SPIDR: variants seen among roughly 807,000 people sequenced by gnomAD.
The protein encoded by SPIDR is DNA repair-scaffolding protein.
In SPIDR, 93 loss-of-function variants were observed where a neutral mutation model predicts 104.6. The ratio of observed to expected loss-of-function variants is 0.89; its 90% CI spans 0.75 to 1.06. The LOEUF (loss-of-function observed/expected upper bound fraction) is 1.06, where lower values mean the gene tolerates loss of function less well. Among genes scored for constraint, SPIDR ranks in the 50% least tolerant of loss-of-function variants. SPIDR has a pLI of 0.00. For synonymous variants in SPIDR, 431 were observed against 416.9 expected, an observed-to-expected ratio of 1.03 and a Z score of -0.41; for missense variants, 1,154 against 1,111.2, an observed-to-expected ratio of 1.04 and a Z score of -0.55.
At chr8:47,384,904 A>T (rs1304947775) in intron 5 of SPIDR, among the ~76,000 whole-genome samples, 9 of 152,160 alleles carry the variant, frequency 5.9e-5, no homozygotes, top group Admixed American at 4.6e-4. Flanking sequence ...TACTTAACAG[A>T]TTGAAATAAT....
intron 7 of SPIDR, among the ~76,000 whole-genome samples, chr8:47,430,751 AC>A (rs1490302948): frequency 5.3e-5 from 8 of 152,348 alleles, no homozygotes; most frequent in Admixed American, 5.2e-4. Flanking sequence ...AAATAGAAAT[AC>A]TTAAATATCT....
chr8:47,664,388 A>G (rs1193903568), intron 10 of SPIDR, among the ~76,000 whole-genome samples: 3 of 152,182 alleles, frequency 2.0e-5, no homozygotes, highest in Non-Finnish European at 4.4e-5. Context: ...CAAACCAGCC[A>G]TTATAACTAT....
intron 8 of SPIDR, among the ~76,000 whole-genome samples, chr8:47,458,547 T>C (rs1403153108): frequency 2.6e-5 from 4 of 151,886 alleles, no homozygotes; most frequent in Admixed American, 2.0e-4. Flanking sequence ...GAGGAGTCTT[T>C]AGGGTTTTCT....
chr8:47,312,634 G>A (rs1359576238), intron 5 of SPIDR, among the ~76,000 whole-genome samples: 1 of 152,158 alleles, frequency 6.6e-6, no homozygotes, highest in African/African-American at 2.4e-5. Context: ...TTTGTCAGAT[G>A]AGGTAGGTTG....
At chr8:47,680,505 G>T (rs987275995) in intron 11 of SPIDR, among the ~76,000 whole-genome samples, 1 of 152,194 alleles carries the variant, frequency 6.6e-6, no homozygotes, top group East Asian at 1.9e-4. Flanking sequence ...TTACTGGGCC[G>T]GGTTATGTAT....
intron 1 of SPIDR, among the ~76,000 whole-genome samples, chr8:47,263,640 GA>G (rs1211265086): frequency 1.5e-4 from 23 of 152,014 alleles, no homozygotes; most frequent in Admixed American, 1.4e-3. Flanking sequence ...ATCATCCATT[GA>G]GGCCTACTTC....
intron 8 of SPIDR, among the ~76,000 whole-genome samples, chr8:47,488,128 G>A (rs2078017151): frequency 6.6e-6 from 1 of 152,180 alleles, no homozygotes; most frequent in Non-Finnish European, 1.5e-5. Flanking sequence ...TAAGAAAAGA[G>A]AGAAGAATCA....
chr8:47,509,677 TGTATGGTATTC>T (rs2154375301), intron 8 of SPIDR, among the ~76,000 whole-genome samples: 1 of 152,348 alleles, frequency 6.6e-6, no homozygotes, highest in South Asian at 2.1e-4. Context: ...TTTAGATAAC[TGTATGGTATTC>T]GTAAAACTAG....
chr8:47,649,322 T>C (rs187705800), intron 10 of SPIDR, among the ~76,000 whole-genome samples: 2 of 150,504 alleles, frequency 1.3e-5, no homozygotes, highest in East Asian at 3.9e-4. Context: ...TTACCAATGA[T>C]AGATCAACTG....
At chr8:47,556,925 G>A (rs776720689) in intron 8 of SPIDR, among the ~76,000 whole-genome samples, 1 of 151,994 alleles carries the variant, frequency 6.6e-6, no homozygotes, top group Non-Finnish European at 1.5e-5. Flanking sequence ...TATAAATTAA[G>A]GTGTTTTTAT....
At chr8:47,636,295 C>T (rs1246399758) in intron 10 of SPIDR, among the ~76,000 whole-genome samples, 1 of 150,942 alleles carries the variant, frequency 6.6e-6, no homozygotes, top group Non-Finnish European at 1.5e-5. Flanking sequence ...TCTGGCTCCT[C>T]TACTAACTGG....
chr8:47,663,045 G>C (rs75679845), intron 10 of SPIDR, among the ~76,000 whole-genome samples: 129 of 152,310 alleles, frequency 8.5e-4, no homozygotes, highest in African/African-American at 3.0e-3. Context: ...TAAGACACCT[G>C]TCTTGTCTTT....
chr8:47,712,289 T>TA (rs1399322060), intron 14 of SPIDR, among the ~76,000 whole-genome samples: 2 of 152,296 alleles, frequency 1.3e-5, no homozygotes, highest in East Asian at 3.9e-4. Context: ...TCAGGAAACT[T>TA]ACAACTGGCT....
chr8:47,553,413 T>A (rs1306488617), intron 8 of SPIDR, among the ~76,000 whole-genome samples: 1 of 152,220 alleles, frequency 6.6e-6, no homozygotes, highest in Non-Finnish European at 1.5e-5. Flanking sequence ...TTTCACATAG[T>A]CCCATATTTT....
chr8:47,489,918 A>G (rs1306478159), intron 8 of SPIDR, among the ~76,000 whole-genome samples: 4 of 152,094 alleles, frequency 2.6e-5, no homozygotes, highest in African/African-American at 4.8e-5. Flanking sequence ...AACCTAGGCA[A>G]TACCATTCAG....
chr8:47,410,905 T>C (rs1384961924), intron 7 of SPIDR, among the ~76,000 whole-genome samples: 1 of 152,044 alleles, frequency 6.6e-6, no homozygotes, highest in Non-Finnish European at 1.5e-5. Context: ...TGAGAACACG[T>C]GGTGTTCGGT....
At chr8:47,609,726 G>A (rs2063384297) in intron 10 of SPIDR, among the ~76,000 whole-genome samples, 1 of 152,096 alleles carries the variant, frequency 6.6e-6, no homozygotes, top group South Asian at 2.1e-4. Flanking sequence ...AAAGTAATAT[G>A]TACACGCTCT....
intron 5 of SPIDR, among the ~76,000 whole-genome samples, chr8:47,370,439 A>ATTTTTTTTTTTTTTTT (rs34220804): frequency 1.0e-5 from 1 of 99,076 alleles, no homozygotes; most frequent in African/African-American, 4.3e-5. Flanking sequence ...AGAGGTCAAG[A>ATTTTTTTTTTTTTTTT]TTTTTTTTTT....
intron 10 of SPIDR, among the ~76,000 whole-genome samples, chr8:47,602,956 A>G (rs995832088): frequency 1.3e-5 from 2 of 152,188 alleles, no homozygotes; most frequent in African/African-American, 4.8e-5. Flanking sequence ...AGGTTTCTCA[A>G]GGTGTTGTAG....
Sources: allele counts gnomAD v4.1 joint callset (sites outside exome capture counted in the v4.1 genomes callset), GRCh38; gene constraint gnomAD v4.1.1; transcripts MANE v1.5; gene names NCBI Gene and HGNC (gene_info 2026-07-23, HGNC 2026-07-21).